Variants in DLD observed in about 807,000 individuals in gnomAD.
DLD encodes dihydrolipoyl dehydrogenase, mitochondrial.
A neutral mutation model predicts 62.2 loss-of-function variants in DLD; 36 were observed. The ratio of observed to expected loss-of-function variants is 0.58; its 90% CI spans 0.44 to 0.76. The LOEUF is 0.76. Ranked by LOEUF, DLD falls within the 30% of genes least tolerant of loss-of-function variation. The probability of loss-of-function intolerance (pLI) is 0.00; values close to 1 mark genes in which losing one functional copy is unlikely to be tolerated. For synonymous variants in DLD, 204 were observed against 199.6 expected (o/e 1.02, Z -0.19); for missense variants, 541 against 608.6 (o/e 0.89, Z 1.17).
chr7:107,899,312 A>C (rs1362620326), intron 2 of DLD, among the ~76,000 whole-genome samples: 2 of 148,148 alleles, frequency 1.3e-5, no homozygotes, highest in African/African-American at 5.0e-5. Flanking sequence ...GGAATATTAC[A>C]TCTAGTATGT....
chr7:107,893,200 A>G lies in DLD; in HGVS notation c.40A>G (p.Arg14Gly). ...WSRVYCSLAK[R>G]GHFNRISHGL... ...TAATAGGGACATTTTCTTTTTCTAGAGAGGCCATTTCAATCGAATATCTCA... is the reference window on the plus strand; with the variant it reads ...TAATAGGGACATTTTCTTTTTCTAGGGAGGCCATTTCAATCGAATATCTCA... The change falls in exon 2 of 14, where the codon AGA becomes GGA. Residue 14 changes from arginine to glycine, a missense_variant and splice_region_variant. Transcript: ENST00000205402. The G allele has an allele frequency of 6.2e-7, 1 of 1,612,912 alleles. No homozygotes were observed. Among genetic ancestry groups the G allele is most frequent in the Non-Finnish European group, 8.5e-7 (1 of 1,179,196 alleles).
chr7:107,892,151 C>G (rs1584454398), intron 1 of DLD, among the ~76,000 whole-genome samples: 1 of 152,156 alleles, frequency 6.6e-6, no homozygotes, highest in East Asian at 1.9e-4. Context: ...TAAGAGTTGC[C>G]TTGGAATAGG....
chr7:107,919,385 T>C lies in DLD; in HGVS notation c.*126T>C. The C allele has an allele frequency of 1.3e-6, 1 of 781,670 alleles. No individual in the cohort carries two copies. Among genetic ancestry groups the C allele is most frequent in the Non-Finnish European group, 2.1e-6 (1 of 478,294 alleles). 48.4% of individuals were successfully genotyped at this position (781,670 alleles called of 1,614,324 possible). A position where few individuals can be genotyped will look rare whatever the true frequency, so the allele number is the denominator to read the frequency against. ...ACTGAATTATGAAACTTTTGGAAGG[T>C]ATTTAATAGGTTTGGACAAAATGGA... On this transcript the variant is annotated 3_prime_UTR_variant, in exon 14 of 14. Coordinates refer to ENST00000205402, the MANE Select transcript of DLD (RefSeq NM_000108.5).
intron 11 of DLD, 108 bp from the exon 12 acceptor site, chr7:107,917,816 A>G (rs1468058529): frequency 6.9e-7 from 1 of 1,457,524 alleles, no homozygotes; most frequent in African/African-American, 1.4e-5. Flanking sequence ...TGCTTTGCGA[A>G]CAATTCCCTT....
chr7:107,904,803 T>A (rs2031963252), intron 5 of DLD, 155 bp from the exon 6 acceptor site: 1 of 685,026 alleles, frequency 1.5e-6, no homozygotes, highest in Non-Finnish European at 2.7e-6. Flanking sequence ...GATGTTGGCC[T>A]TTTGTCAACT....
intron 2 of DLD, 119 bp from the exon 3 acceptor site, chr7:107,901,619 A>G: frequency 1.3e-6 from 1 of 796,610 alleles, no homozygotes; most frequent in Non-Finnish European, 2.2e-6. Flanking sequence ...CTATGTAGAA[A>G]ATGCTGATTT....
At position 107,919,553 on chromosome 7, in the gene DLD, C is replaced by A; in HGVS notation, c.*294C>A. ...TGCTGTTCATGAAAGATTCAATGCCCCTGAATTTAAATAGCTTTTTTCTCT... is the reference window on the plus strand; with the variant it reads ...TGCTGTTCATGAAAGATTCAATGCCACTGAATTTAAATAGCTTTTTTCTCT... On this transcript the variant is annotated 3_prime_UTR_variant, in exon 14 of 14. Transcript: ENST00000205402. 4.2e-6 allele frequency: 1 copy of A among 238,412 alleles called. No individual in the cohort carries two copies. The highest frequency in any genetic ancestry group is 8.1e-6 in the Non-Finnish European group (1 of 123,536). The allele number at this position is 238,412 out of a possible 1,614,324, so 14.8% of individuals were successfully genotyped here.
At chr7:107,898,578 G>A (rs531489709) in intron 2 of DLD, among the ~76,000 whole-genome samples, 5 of 151,364 alleles carry the variant, frequency 3.3e-5, no homozygotes, top group African/African-American at 1.2e-4. Context: ...ACCACACCTG[G>A]CCTGTATCCT....
intron 2 of DLD, among the ~76,000 whole-genome samples, chr7:107,895,341 T>C (rs948513100): frequency 3.9e-5 from 6 of 152,004 alleles, no homozygotes; most frequent in Non-Finnish European, 7.3e-5. Context: ...TCAAATCTTA[T>C]TATGATATAG....
chr7:107,897,083 C>T (rs1047633569), intron 2 of DLD, among the ~76,000 whole-genome samples: 12 of 152,168 alleles, frequency 7.9e-5, no homozygotes, highest in African/African-American at 2.9e-4. Flanking sequence ...GATCCACCCA[C>T]CTCGGCCTCC....
At chr7:107,901,106 GCAAGTACAAAACA>G (rs1328791422) in intron 2 of DLD, among the ~76,000 whole-genome samples, 6 of 151,978 alleles carry the variant, frequency 3.9e-5, no homozygotes, top group Admixed American at 2.6e-4. Context: ...TTATCAATAT[GCAAGTACAAAACA>G]TATTTGTTAA....
chr7:107,901,435 T>C (rs1209422843), intron 2 of DLD, among the ~76,000 whole-genome samples: 3 of 152,154 alleles, frequency 2.0e-5, no homozygotes, highest in Non-Finnish European at 4.4e-5. Flanking sequence ...CGTCAGTTAT[T>C]AAATCAATAG....
intron 2 of DLD, among the ~76,000 whole-genome samples, chr7:107,896,013 T>C (rs1338409045): frequency 6.6e-6 from 1 of 152,228 alleles, no homozygotes; most frequent in Non-Finnish European, 1.5e-5. Context: ...AGCATAATTC[T>C]ATGCATGTAG....
chr7:107,919,359 G>A lies in DLD; in HGVS notation c.*100G>A. 1.0e-6 allele frequency: 1 copy of A among 981,732 alleles called. No homozygotes were observed. The highest frequency in any genetic ancestry group is 1.4e-5 in the South Asian group (1 of 70,470). The allele number at this position is 981,732 out of a possible 1,614,324, so 60.8% of individuals were successfully genotyped here. On this transcript the variant is annotated 3_prime_UTR_variant, in exon 14 of 14. Coordinates refer to ENST00000205402, the MANE Select transcript of DLD (RefSeq NM_000108.5). ...TTCTCACAGCTCCAAGAATTTCTAG[G>A]ACTGAATTATGAAACTTTTGGAAGG...
chr7:107,891,134 C>G, upstream of DLD: 1 of 1,353,698 alleles, frequency 7.4e-7, no homozygotes, highest in Non-Finnish European at 1.0e-6. Flanking sequence ...TCGCGCTGCT[C>G]CCGGGTGATG....
intron 12 of DLD, 73 bp downstream of exon 12, chr7:107,918,134 C>T (rs1584473977): frequency 1.3e-6 from 2 of 1,572,024 alleles, no homozygotes; most frequent in South Asian, 2.2e-5. Context: ...TTATAAACCA[C>T]CTGGTGTTAG....
chr7:107,914,576 G>A (rs187384848), intron 8 of DLD, among the ~76,000 whole-genome samples: 126 of 152,156 alleles, frequency 8.3e-4, no homozygotes, highest in Non-Finnish European at 1.5e-3. Flanking sequence ...GATTTTTAGT[G>A]TCACTATATT....
chr7:107,898,253 A>T (rs2031779927), intron 2 of DLD, among the ~76,000 whole-genome samples: 1 of 145,194 alleles, frequency 6.9e-6, no homozygotes, highest in Admixed American at 6.9e-5. Context: ...TATTTCATTT[A>T]ACTACTTTTC....
intron 9 of DLD, among the ~76,000 whole-genome samples, chr7:107,916,342 C>T (rs960831912): frequency 1.3e-5 from 2 of 152,226 alleles, no homozygotes; most frequent in East Asian, 3.9e-4. Context: ...TTGTCTGACT[C>T]TTATGTTTAT....
Sources: allele counts gnomAD v4.1 joint callset (sites outside exome capture counted in the v4.1 genomes callset), GRCh38; gene constraint gnomAD v4.1.1; transcripts MANE v1.5; gene names NCBI Gene and HGNC (gene_info 2026-07-23, HGNC 2026-07-21).